Variants in TMEM131 observed in about 807,000 individuals in gnomAD.
TMEM131 encodes the protein transmembrane protein 131.
In TMEM131, 66 loss-of-function variants were observed where a neutral mutation model predicts 211.6. That is an observed-to-expected ratio of 0.31 (90% CI 0.26 to 0.38). TMEM131 has a LOEUF of 0.38. Ranked by LOEUF, TMEM131 falls within the 10% of genes least tolerant of loss-of-function variation. The probability of loss-of-function intolerance (pLI) is 1.00; values close to 1 mark genes in which losing one functional copy is unlikely to be tolerated. For synonymous variants in TMEM131, 844 were observed against 841.3 expected, an observed-to-expected ratio of 1.00 and a Z score of -0.06; for missense variants, 2,036 against 2,299.3, an observed-to-expected ratio of 0.89 and a Z score of 2.34.
intron 3 of TMEM131, among the ~76,000 whole-genome samples, chr2:97,906,579 C>T (rs761705763): frequency 3.0e-4 from 45 of 152,170 alleles, no homozygotes; most frequent in Non-Finnish European, 3.8e-4. Flanking sequence ...TCCTCTGGGA[C>T]ATTCACTCTT....
intron 5 of TMEM131, 36 bp downstream of exon 5, chr2:97,859,268 A>T: frequency 6.5e-7 from 1 of 1,549,028 alleles, no homozygotes; most frequent in Non-Finnish European, 8.7e-7. Context: ...TTCAACTTCA[A>T]ACTCAGGAAA....
intron 1 of TMEM131, among the ~76,000 whole-genome samples, chr2:97,940,420 C>T (rs918008481): frequency 6.6e-6 from 1 of 152,128 alleles, no homozygotes; most frequent in African/African-American, 2.4e-5. Context: ...TTCACTATTG[C>T]TTCAAAGAGA....
At position 97,793,426 on chromosome 2, in the gene TMEM131, T is replaced by G. The variant is rs779661831; in HGVS notation, c.3514A>C (p.Arg1172=). The change falls in exon 30 of 41, where the codon AGG becomes CGG. Residue 1172 remains arginine, a synonymous_variant. Coordinates refer to ENST00000186436, the MANE Select transcript of TMEM131 (RefSeq NM_015348.2). ...TCAGATGAAATACCAACGATTCTCC[T>G]GAGATCAAATGGCCTTCCCACATCG... ...PFDVGRPFDL[R]RIVGISSEGN... 1 of 1,613,766 alleles carries G rather than the reference T, an allele frequency of 6.2e-7. No individual in the cohort carries two copies. The highest frequency in any genetic ancestry group is 8.5e-7 in the Non-Finnish European group (1 of 1,179,710).
At chr2:97,850,643 TTAAAA>T (rs372548247) in intron 5 of TMEM131, among the ~76,000 whole-genome samples, 7 of 152,026 alleles carry the variant, frequency 4.6e-5, no homozygotes, top group Admixed American at 6.6e-5. Context: ...ATCCCTGAAC[TTAAAA>T]TAAAAGTTGA....
chr2:97,982,936 G>C (rs1679860458), intron 1 of TMEM131, among the ~76,000 whole-genome samples: 2 of 152,176 alleles, frequency 1.3e-5, no homozygotes, highest in Admixed American at 1.3e-4. Context: ...ACCCTTGTTG[G>C]AGGCCACACA....
At chr2:97,820,861 A>G (rs1309117550) in intron 11 of TMEM131, among the ~76,000 whole-genome samples, 1 of 152,072 alleles carries the variant, frequency 6.6e-6, no homozygotes, top group East Asian at 1.9e-4. Flanking sequence ...TTCTAAAAAA[A>G]AAAAAAAGCA....
intron 5 of TMEM131, among the ~76,000 whole-genome samples, chr2:97,852,161 CTTT>C (rs35113797): frequency 2.0e-3 from 262 of 129,302 alleles, no homozygotes; most frequent in East Asian, 0.016. Context: ...ACGGCATTCT[CTTT>C]TTTTTTTTTT....
At chr2:97,988,237 G>C (rs754384955) in intron 1 of TMEM131, among the ~76,000 whole-genome samples, 22 of 152,106 alleles carry the variant, frequency 1.4e-4, no homozygotes, top group South Asian at 4.1e-4. Context: ...AAATGGAACT[G>C]GAGAAACTGG....
chr2:97,866,884 A>C (rs1032104245), intron 4 of TMEM131, among the ~76,000 whole-genome samples: 1 of 152,200 alleles, frequency 6.6e-6, no homozygotes. Context: ...GAGTGTTTTG[A>C]ATTTCAGATT....
intron 12 of TMEM131, among the ~76,000 whole-genome samples, chr2:97,815,880 T>G (rs1227169971): frequency 6.6e-6 from 1 of 152,172 alleles, no homozygotes; most frequent in Non-Finnish European, 1.5e-5. Context: ...TCTTGCTCTA[T>G]CACCAATAAA....
intron 1 of TMEM131, among the ~76,000 whole-genome samples, chr2:97,988,780 T>C (rs1170957278): frequency 2.0e-5 from 3 of 152,198 alleles, no homozygotes; most frequent in Admixed American, 2.0e-4. Context: ...GGCAAGGGCA[T>C]GGAGAAATTG....
intron 12 of TMEM131, 53 bp downstream of exon 12, chr2:97,818,560 C>G (rs1573407806): frequency 1.7e-6 from 2 of 1,180,256 alleles, no homozygotes; most frequent in East Asian, 5.0e-5. Context: ...CAGATGCTTT[C>G]TAGTTTATCA....
intron 1 of TMEM131, among the ~76,000 whole-genome samples, chr2:97,963,760 T>C (rs1678922292): frequency 6.6e-6 from 1 of 152,224 alleles, no homozygotes; most frequent in Non-Finnish European, 1.5e-5. Flanking sequence ...ATTGCTAGAA[T>C]AATTTCCCTT....
At chr2:97,848,882 A>C (rs1683570315) in intron 5 of TMEM131, among the ~76,000 whole-genome samples, 1 of 152,178 alleles carries the variant, frequency 6.6e-6, no homozygotes. Context: ...GGTATGACAC[A>C]AACTGGAAGA....
chr2:97,885,065 A>G (rs1675088122), intron 4 of TMEM131, among the ~76,000 whole-genome samples: 1 of 152,178 alleles, frequency 6.6e-6, no homozygotes, highest in Non-Finnish European at 1.5e-5. Flanking sequence ...TTTGGGCTCT[A>G]CCAGTGAATT....
At chr2:97,913,332 C>T (rs937524866) in intron 2 of TMEM131, among the ~76,000 whole-genome samples, 1 of 152,192 alleles carries the variant, frequency 6.6e-6, no homozygotes, top group African/African-American at 2.4e-5. Context: ...TTTGTAATAA[C>T]ATCTCCTTGC....
chr2:97,928,320 CA>C (rs892889454), intron 1 of TMEM131, among the ~76,000 whole-genome samples: 4 of 149,124 alleles, frequency 2.7e-5, no homozygotes, highest in South Asian at 2.1e-4. Context: ...GCTAGGAGAT[CA>C]GGGGGAGATG....
chr2:97,903,060 T>C (rs1675924673), intron 3 of TMEM131, among the ~76,000 whole-genome samples: 1 of 152,158 alleles, frequency 6.6e-6, no homozygotes. Flanking sequence ...AGAATCCTAA[T>C]ACATTACAGT....
At chr2:97,759,607 C>T (rs1171556393) in intron 39 of TMEM131, 45 bp downstream of exon 39, 2 of 1,493,506 alleles carry the variant, frequency 1.3e-6, no homozygotes, top group African/African-American at 1.4e-5. Flanking sequence ...CTCCCTTCCT[C>T]TGTCCACAGG....
Sources: gnomAD v4.1 joint callset for allele counts (sites outside exome capture counted in the v4.1 genomes callset) on GRCh38, gnomAD v4.1.1 for gene constraint, MANE v1.5 for transcripts, NCBI Gene and HGNC (gene_info 2026-07-23, HGNC 2026-07-21) for gene names.